GFM2: variants seen among roughly 807,000 people sequenced by gnomAD.
GFM2 encodes GTP dependent ribosome recycling factor mitochondrial 2, also known as ribosome-releasing factor 2, mitochondrial.
Under a neutral mutation model 95.4 loss-of-function variants are expected in GFM2, and 72 were observed. That is an observed-to-expected ratio of 0.76 (90% confidence interval 0.62 to 0.92). GFM2 has a LOEUF of 0.92. GFM2 is among the 40% of genes least tolerant of loss of function. The pLI is 0.00. For synonymous variants in GFM2, 276 were observed against 317.5 expected, an observed-to-expected ratio of 0.87 and a Z score of 1.39; for missense variants, 825 against 924.1, an observed-to-expected ratio of 0.89 and a Z score of 1.39.
chr5:74,764,314 T>C (rs1744431237), intron 1 of GFM2, among the ~76,000 whole-genome samples: 1 of 152,192 alleles, frequency 6.6e-6, no homozygotes, highest in African/African-American at 2.4e-5. Context: ...ATGTTTCAAG[T>C]ACAATATCAA....
At chr5:74,733,543 C>G (rs1420061470) in intron 15 of GFM2, among the ~76,000 whole-genome samples, 2 of 152,058 alleles carry the variant, frequency 1.3e-5, no homozygotes, top group Non-Finnish European at 2.9e-5. Context: ...AAGGAACAAT[C>G]TGCTGTTGGG....
rs754472903 is a variant in GFM2, at chr5:74,751,373, G to C, written c.425C>G (p.Thr142Arg). The C allele has an allele frequency of 5.0e-6, 8 of 1,612,276 alleles. No individual in the cohort carries two copies. The highest frequency in any genetic ancestry group is 1.3e-5 in the African/African-American group (1 of 74,808). Residue 142 changes from threonine (T) to arginine (R), a missense_variant, in exon 6 of 21, where the codon ACA becomes AGA. Physicochemically the swap from Thr to Arg is moderately conservative, Grantham distance 71. Coordinates refer to ENST00000296805, the MANE Select transcript of GFM2 (RefSeq NM_032380.5). ...TTACTGGAATCGTACCATACCTGGT[G>C]TATCAATTAGATTGACTCTATAACC... Reference protein sequence around the residue: ...WKGYRVNLIDTPGHVDFTLEV... With the variant: ...WKGYRVNLIDRPGHVDFTLEV...
At position 74,759,350 on chromosome 5, in the gene GFM2, A is replaced by G. The variant is rs1355812769; in HGVS notation, c.206+19T>C. Reference sequence around the variant, plus strand: ...TCGTGACAGTCTATGGAAAAGCATGATATAATGATAGTACTTACTTAGCTA... The same window carrying G: ...TCGTGACAGTCTATGGAAAAGCATGGTATAATGATAGTACTTACTTAGCTA... On this transcript the variant is annotated intron_variant, in intron 4 of 20. Transcript: ENST00000296805. 7.2e-7 allele frequency: 1 copy of G among 1,388,754 alleles called. No homozygotes were observed. The highest frequency in any genetic ancestry group is 1.9e-5 in the Admixed American group (1 of 52,868). 86.0% of individuals were successfully genotyped at this position (1,388,754 alleles called of 1,614,324 possible). A position where few individuals can be genotyped will look rare whatever the true frequency, so the allele number is the denominator to read the frequency against.
chr5:74,723,484 T>C (rs530257424), intron 19 of GFM2, among the ~76,000 whole-genome samples: 1 of 152,330 alleles, frequency 6.6e-6, no homozygotes, highest in African/African-American at 2.4e-5. Context: ...GTAAGATTTT[T>C]TTTGTTTTTC....
At position 74,721,522 on chromosome 5, in the gene GFM2, A is replaced by T. The variant is rs1749877462; in HGVS notation, c.*133T>A. The T allele has an allele frequency of 9.9e-7, 1 of 1,014,246 alleles. No individual in the cohort carries two copies. Among genetic ancestry groups the T allele is most frequent in the Non-Finnish European group, 1.5e-6 (1 of 663,922 alleles). The allele number at this position is 1,014,246 out of a possible 1,614,324, so 62.8% of individuals were successfully genotyped here. On this transcript the variant is annotated 3_prime_UTR_variant, in exon 21 of 21. Transcript: ENST00000296805. ...CAGTGCCACTATCAAAGCTTAAGTT[A>T]TATCTTTTATCTAGTTCTCTGAATG...
chr5:74,736,165 G>C (rs949392154), intron 15 of GFM2, among the ~76,000 whole-genome samples: 1 of 152,260 alleles, frequency 6.6e-6, no homozygotes, highest in East Asian at 1.9e-4. Context: ...GAGATAGAGA[G>C]AAATAAATTT....
intron 3 of GFM2, 42 bp from the exon 4 acceptor site, chr5:74,759,468 A>C: frequency 9.5e-7 from 1 of 1,055,114 alleles, no homozygotes; most frequent in Non-Finnish European, 1.4e-6. Context: ...ACATTTATGA[A>C]ATTTTCCTTT....
chr5:74,740,174 G>A lies in GFM2; in HGVS notation c.931-37C>T, dbSNP rs377512993. ...AGATACAAATGAGCATTTATTTTGT[G>A]TACTGGTCTTGGCGAGAAGCTCAAA... On this transcript the variant is annotated intron_variant, in intron 11 of 20. Transcript: ENST00000296805. The A allele has an allele frequency of 3.5e-5, 54 of 1,563,198 alleles. No individual in the cohort carries two copies. In the South Asian group the frequency reaches 5.2e-4, roughly 15 times the overall value.
chr5:74,735,402 T>A (rs1324952737), intron 15 of GFM2, among the ~76,000 whole-genome samples: 1 of 152,158 alleles, frequency 6.6e-6, no homozygotes, highest in Non-Finnish European at 1.5e-5. Flanking sequence ...TCTTTCTCCC[T>A]ACAGGGTCCT....
chr5:74,759,416 T>C lies in GFM2; in HGVS notation c.159A>G (p.Gly53=). 1.3e-6 allele frequency: 2 copies of C among 1,518,038 alleles called. No homozygotes were observed. Among genetic ancestry groups the C allele is most frequent in the South Asian group, 2.3e-5 (2 of 87,232 alleles). The allele number at this position is 1,518,038 out of a possible 1,614,324, so 94.0% of individuals were successfully genotyped here. A position where few individuals can be genotyped will look rare whatever the true frequency, so the allele number is the denominator to read the frequency against. The change falls in exon 4 of 21, where the codon GGA becomes GGG. Residue 53 remains glycine, a synonymous_variant. Transcript: ENST00000296805. The stretch of plus-strand genomic sequence containing the variant: ...TGGAATGAAGGGATTTGATATCATT[T>C]CCTATTAAGCCTAATGAAAAGAAAG... ...RNCSSLPGLI[G]NDIKSLHSII... is the part of the protein sequence containing the mutation.
chr5:74,758,147 CTT>C (rs969549201), intron 5 of GFM2, among the ~76,000 whole-genome samples: 2 of 152,108 alleles, frequency 1.3e-5, no homozygotes, highest in Admixed American at 1.3e-4. Flanking sequence ...ACAAAATCCT[CTT>C]TGATGTGAGA....
At position 74,760,810 on chromosome 5, in the gene GFM2, G is replaced by C. The variant is rs1418234375; in HGVS notation, c.148+92C>G. On this transcript the variant is annotated intron_variant, in intron 3 of 20. Coordinates refer to ENST00000296805, the MANE Select transcript of GFM2 (RefSeq NM_032380.5). ...AGCCAAGAAGTAAAAAATGGTTACA[G>C]AGCCCTAATAAGGGAGATTCTTGCA... 2.2e-5 allele frequency: 18 copies of C among 830,642 alleles called. No homozygotes were observed. In the East Asian group the frequency reaches 3.9e-4, roughly 18 times the overall value. The allele number at this position is 830,642 out of a possible 1,614,324, so 51.5% of individuals were successfully genotyped here.
chr5:74,732,307 A>G (rs1313542224), intron 16 of GFM2, among the ~76,000 whole-genome samples: 1 of 151,974 alleles, frequency 6.6e-6, no homozygotes, highest in African/African-American at 2.4e-5. Context: ...CATACTCTTC[A>G]GTATCAATTA....
At chr5:74,763,269 A>G (rs72764653) in intron 2 of GFM2, among the ~76,000 whole-genome samples, 2,056 of 152,346 alleles carry the variant, frequency 0.013, 19 homozygotes, top group Non-Finnish European at 0.02. Context: ...ACCATTGTAT[A>G]ATTATGTTGT....
At chr5:74,747,525 T>C (rs112613288) in intron 8 of GFM2, among the ~76,000 whole-genome samples, 167 bp downstream of exon 8, 6 of 152,332 alleles carry the variant, frequency 3.9e-5, no homozygotes, top group African/African-American at 1.4e-4. Context: ...ACCTATGGAT[T>C]AGCTGCTTTG....
intron 5 of GFM2, among the ~76,000 whole-genome samples, chr5:74,754,698 T>G (rs948502632): frequency 1.9e-4 from 29 of 152,094 alleles, no homozygotes; most frequent in African/African-American, 6.8e-4. Flanking sequence ...ACATTGCAGC[T>G]CCCAAATTTA....
At chr5:74,722,332 C>A (rs1444307365) in intron 20 of GFM2, 47 bp downstream of exon 20, 1 of 1,425,786 alleles carries the variant, frequency 7.0e-7, no homozygotes, top group South Asian at 1.2e-5. Context: ...CATATAATAT[C>A]CCCTGAATTA....
intron 15 of GFM2, among the ~76,000 whole-genome samples, chr5:74,734,691 T>A (rs1204938205): frequency 6.6e-6 from 1 of 152,244 alleles, no homozygotes; most frequent in Non-Finnish European, 1.5e-5. Context: ...AAATAAATTA[T>A]TTTAAAATAT....
chr5:74,752,791 C>T (rs578230189), intron 5 of GFM2, among the ~76,000 whole-genome samples: 8 of 152,166 alleles, frequency 5.3e-5, no homozygotes, highest in African/African-American at 1.4e-4. Context: ...AAAAGATAGC[C>T]GTACAAAAAC....
Sources: gnomAD v4.1 joint callset for allele counts (sites outside exome capture counted in the v4.1 genomes callset) on GRCh38, gnomAD v4.1.1 for gene constraint, MANE v1.5 for transcripts, NCBI Gene and HGNC (gene_info 2026-07-23, HGNC 2026-07-21) for gene names.